GRXCR2: variants seen among roughly 807,000 people sequenced by gnomAD.
GRXCR2 encodes glutaredoxin domain-containing cysteine-rich protein 2.
A neutral mutation model predicts 24.8 loss-of-function variants in GRXCR2; 23 were observed. That is an observed-to-expected ratio of 0.93 (90% CI 0.67 to 1.32). The LOEUF is 1.32. GRXCR2 is among the 40% of genes most tolerant of loss of function. The pLI, the probability that GRXCR2 is intolerant of heterozygous loss-of-function variation, is 0.00. For synonymous variants in GRXCR2, 130 were observed against 116.1 expected (o/e 1.12, Z -0.77); for missense variants, 315 against 303.4 (o/e 1.04, Z -0.28).
chr5:145,901,232 C>T lies in GRXCR2; in HGVS notation c.-70+34469G>A, dbSNP rs569382818. On this transcript the variant is annotated intron_variant, in intron 2 of 3. Transcript: ENST00000639411. ...TACCTGGGTGACAGGATCATTTATA[C>T]CCCTGACCTCAGCATCATATAATAT... is the stretch of plus-strand genomic sequence containing the variant. Among the ~76,000 whole-genome samples, 24 of 151,976 alleles carry T rather than the reference C, an allele frequency of 1.6e-4. No homozygotes were observed. The Middle Eastern group carries it at 0.01, about 65-fold the overall frequency.
At chr5:145,894,691 T>C (rs966741915) in intron 2 of GRXCR2, among the ~76,000 whole-genome samples, 3 of 152,198 alleles carry the variant, frequency 2.0e-5, no homozygotes, top group Non-Finnish European at 4.4e-5. Flanking sequence ...CACAGCCGAA[T>C]TCTACCAGAA....
chr5:145,904,515 G>C (rs1757065211), intron 2 of GRXCR2, among the ~76,000 whole-genome samples: 1 of 152,104 alleles, frequency 6.6e-6, no homozygotes, highest in Non-Finnish European at 1.5e-5. Flanking sequence ...CTGCAGCCTG[G>C]ACTTGGCTCT....
chr5:145,864,049 T>A (rs1213879614), intron 2 of GRXCR2, among the ~76,000 whole-genome samples: 1 of 152,022 alleles, frequency 6.6e-6, no homozygotes. Context: ...TCACACAAAC[T>A]AAAGTAAGAT....
intron 2 of GRXCR2, among the ~76,000 whole-genome samples, chr5:145,918,794 C>G (rs1377307218): frequency 1.3e-5 from 2 of 152,200 alleles, no homozygotes; most frequent in Non-Finnish European, 2.9e-5. Context: ...TGCCCATTTA[C>G]AAGTCCTTAT....
At chr5:145,893,289 T>C (rs1409802777) in intron 2 of GRXCR2, among the ~76,000 whole-genome samples, 3 of 152,134 alleles carry the variant, frequency 2.0e-5, no homozygotes, top group Non-Finnish European at 2.9e-5. Context: ...ACAATATTAA[T>C]CTTAAATGTA....
At chr5:145,896,497 G>A (rs1474437851) in intron 2 of GRXCR2, among the ~76,000 whole-genome samples, 1 of 152,098 alleles carries the variant, frequency 6.6e-6, no homozygotes, top group Admixed American at 6.6e-5. Flanking sequence ...CTTCTCAAAA[G>A]AAGACATTCA....
intron 2 of GRXCR2, among the ~76,000 whole-genome samples, chr5:145,883,521 T>G (rs1002587011): frequency 1.3e-4 from 19 of 151,776 alleles, no homozygotes; most frequent in African/African-American, 4.6e-4. Context: ...GAAATGACTT[T>G]AACTTAAGCC....
chr5:145,908,163 C>A (rs932084523), intron 2 of GRXCR2, among the ~76,000 whole-genome samples: 4 of 152,222 alleles, frequency 2.6e-5, no homozygotes, highest in Admixed American at 1.3e-4. Flanking sequence ...ATGAGATGCA[C>A]TGTCCTCCAA....
At chr5:145,924,043 C>T (rs1015986026) in intron 2 of GRXCR2, among the ~76,000 whole-genome samples, 2 of 151,920 alleles carry the variant, frequency 1.3e-5, no homozygotes, top group Admixed American at 1.3e-4. Flanking sequence ...AGTTAGGATA[C>T]AAGCCATGTT....
chr5:145,872,715 A>T lies in GRXCR2; in HGVS notation c.254T>A (p.Ile85Asn). 2 of 1,613,684 alleles carry T rather than the reference A, an allele frequency of 1.2e-6. No homozygotes were observed. Among genetic ancestry groups the T allele is most frequent in the Non-Finnish European group, 1.7e-6 (2 of 1,179,612 alleles). The change falls in exon 1 of 3, where the codon ATC (isoleucine) becomes AAC (asparagine). Residue 85 changes from isoleucine to asparagine, a missense_variant. Physicochemically the swap from Ile to Asn is moderately radical, Grantham distance 149. Coordinates refer to ENST00000377976, the MANE Select transcript of GRXCR2 (RefSeq NM_001080516.2). ...MCSPKLTAQRISVFREGNAYT... is the reference protein window; with the variant it reads ...MCSPKLTAQRNSVFREGNAYT... ...GGCATTACCCTCTCTAAACACACTG[A>T]TCCTCTGAGCAGTCAGCTTAGGGGA...
intron 2 of GRXCR2, among the ~76,000 whole-genome samples, chr5:145,910,144 AG>A (rs1293356805): frequency 6.6e-6 from 1 of 152,208 alleles, no homozygotes; most frequent in Non-Finnish European, 1.5e-5. Context: ...TTTTAATACC[AG>A]GGTTCCAGAG....
chr5:145,871,624 C>T (rs1756533170), intron 1 of GRXCR2, among the ~76,000 whole-genome samples: 1 of 152,186 alleles, frequency 6.6e-6, no homozygotes, highest in African/African-American at 2.4e-5. Context: ...ATATCAAAAA[C>T]AAGCCTAGTG....
At chr5:145,926,043 T>C (rs1757389692) in intron 2 of GRXCR2, among the ~76,000 whole-genome samples, 1 of 152,054 alleles carries the variant, frequency 6.6e-6, no homozygotes, top group African/African-American at 2.4e-5. Flanking sequence ...CTGAGTTTAA[T>C]AAGAATTAAG....
At position 145,859,853 on chromosome 5, in the gene GRXCR2, A is replaced by C. The variant is rs192698368; in HGVS notation, c.627T>G (p.Ser209=). 11 of 1,612,798 alleles carry C rather than the reference A, an allele frequency of 6.8e-6. No homozygotes were observed. Among genetic ancestry groups the C allele is most frequent in the Non-Finnish European group, 9.3e-6 (11 of 1,179,250 alleles). ...HCRGSGSATC[S]LCHGSKFSML... ...TCGAGAACTTGCTGCCGTGGCACAG[A>C]GAGCAGGTGGCACTGCCCGACCCTC... Residue 209 remains serine (S), a synonymous_variant, in exon 3 of 3, where the codon TCT becomes TCG. Transcript: ENST00000377976.
At chr5:145,874,193 T>TA (rs922314121), upstream of GRXCR2, among the ~76,000 whole-genome samples, 3 of 150,482 alleles carry the variant, frequency 2.0e-5, no homozygotes, top group Admixed American at 1.3e-4. Context: ...ATTCTTTTTT[T>TA]TTATTATTTT....
At chr5:145,885,510 C>G (rs1372629124) in intron 2 of GRXCR2, among the ~76,000 whole-genome samples, 1 of 152,144 alleles carries the variant, frequency 6.6e-6, no homozygotes, top group African/African-American at 2.4e-5. Context: ...TCAAGGGGCT[C>G]TGCTTAGAAA....
chr5:145,888,803 T>G (rs1381251696), intron 2 of GRXCR2, among the ~76,000 whole-genome samples: 1 of 152,208 alleles, frequency 6.6e-6, no homozygotes, highest in Non-Finnish European at 1.5e-5. Flanking sequence ...AGTGAAGTTA[T>G]ACACTCTGTG....
chr5:145,911,299 G>A (rs979925182), intron 2 of GRXCR2, among the ~76,000 whole-genome samples: 10 of 152,086 alleles, frequency 6.6e-5, no homozygotes, highest in Admixed American at 4.6e-4. Context: ...GTGCTTAGTC[G>A]GAGAAAGAGG....
At chr5:145,925,588 T>C (rs2149929925) in intron 2 of GRXCR2, among the ~76,000 whole-genome samples, 1 of 152,216 alleles carries the variant, frequency 6.6e-6, no homozygotes, top group Non-Finnish European at 1.5e-5. Context: ...TCCTCATCAC[T>C]CAGCAAATAT....
Sources: allele counts gnomAD v4.1 joint callset (sites outside exome capture counted in the v4.1 genomes callset), GRCh38; gene constraint gnomAD v4.1.1; transcripts MANE v1.5; gene names NCBI Gene and HGNC (gene_info 2026-07-23, HGNC 2026-07-21).